The following GGT7 variants were observed in gnomAD, a reference collection of about 807,000 sequenced individuals.
GGT7 encodes gamma-glutamyltransferase 7.
In GGT7, 30 loss-of-function variants were observed where a neutral mutation model predicts 69.2. That is an observed-to-expected ratio of 0.43 (90% CI 0.32 to 0.59). The LOEUF (loss-of-function observed/expected upper bound fraction) is 0.59. Ranked by LOEUF, GGT7 falls within the 20% of genes least tolerant of loss-of-function variation. GGT7 has a pLI of 0.05. For missense variants in GGT7, 733 were observed against 901.1 expected, an observed-to-expected ratio of 0.81 and a Z score of 2.39; for synonymous variants, 388 against 391.8, an observed-to-expected ratio of 0.99 and a Z score of 0.12.
Position 34,845,141 on chromosome 20 carries a change from A to ACCACCACCACCACCACCACCACCACCC in GGT7, c.*186_*187insGGGTGGTGGTGGTGGTGGTGGTGGTGG, listed in dbSNP as rs2079280822. ...CACCACCACCACCACCACCACCACC[A>ACCACCACCACCACCACCACCACCACCC]CCACCACCACCACAGGCCTCCTGAT... On this transcript the variant is annotated 3_prime_UTR_variant, in exon 15 of 15. Coordinates refer to ENST00000336431, the MANE Select transcript of GGT7 (RefSeq NM_178026.3). 1 of 313,802 alleles carries ACCACCACCACCACCACCACCACCACCC rather than the reference A, an allele frequency of 3.2e-6. No individual in the cohort carries two copies. The allele number at this position is 313,802 out of a possible 1,614,324, so 19.4% of individuals were successfully genotyped here.
At position 34,863,572 on chromosome 20, in the gene GGT7, G is replaced by T; in HGVS notation, c.170-24C>A. 1.3e-6 allele frequency: 2 copies of T among 1,501,992 alleles called. No homozygotes were observed. Among genetic ancestry groups the T allele is most frequent in the South Asian group, 2.4e-5 (2 of 82,990 alleles). The allele number at this position is 1,501,992 out of a possible 1,614,324, so 93.0% of individuals were successfully genotyped here. On this transcript the variant is annotated intron_variant, in intron 1 of 14. Coordinates refer to ENST00000336431, the MANE Select transcript of GGT7 (RefSeq NM_178026.3). The surrounding 1 kb of genome is among the most constrained non-coding windows in gnomAD (Gnocchi z 4.4). ...GTCTGCGGGCAGGCAGCCGGGGTCG[G>T]TCTGGGCATCTCCTATCTGGCCCTG... is the stretch of plus-strand genomic sequence containing the variant.
At position 34,845,123 on chromosome 20, in the gene GGT7, A is replaced by ACCACCACCC; in HGVS notation, c.*204_*205insGGGTGGTGG. The ACCACCACCC allele has an allele frequency of 2.6e-6, 1 of 389,054 alleles. No individual in the cohort carries two copies. Among genetic ancestry groups the ACCACCACCC allele is most frequent in the South Asian group, 2.3e-5 (1 of 42,590 alleles). 24.1% of individuals were successfully genotyped at this position (389,054 alleles called of 1,614,324 possible). On this transcript the variant is annotated 3_prime_UTR_variant, in exon 15 of 15. Coordinates refer to ENST00000336431, the MANE Select transcript of GGT7 (RefSeq NM_178026.3). ...GTAGATGCTGACACTCACCACCACC[A>ACCACCACCC]CCACCACCACCACCACCACCACCAC...
intron 1 of GGT7, among the ~76,000 whole-genome samples, chr20:34,869,178 A>AT (rs57637615): frequency 6.6e-6 from 1 of 151,232 alleles, no homozygotes; most frequent in African/African-American, 2.4e-5. Flanking sequence ...ATATATATAT[A>AT]AAATTTTGAA....
chr20:34,866,559 T>A (rs569714195), intron 1 of GGT7, among the ~76,000 whole-genome samples: 2 of 142,040 alleles, frequency 1.4e-5, no homozygotes, highest in East Asian at 4.2e-4. Flanking sequence ...TTTTTTTTTT[T>A]ATCATGAACA....
intron 13 of GGT7, 143 bp downstream of exon 13, chr20:34,851,088 C>T (rs1386787441): frequency 1.3e-5 from 13 of 994,878 alleles, no homozygotes; most frequent in Non-Finnish European, 2.0e-5. Flanking sequence ...CCACATTGCC[C>T]AGGATGCGCC....
At chr20:34,861,409 C>G in intron 4 of GGT7, 36 bp downstream of exon 4, 1 of 1,023,626 alleles carries the variant, frequency 9.8e-7, no homozygotes, top group Non-Finnish European at 1.5e-6. Flanking sequence ...TGAAGAGAGA[C>G]TCCCCTGAAC....
At chr20:34,852,337 C>T (rs1291685543) in intron 11 of GGT7, 52 bp downstream of exon 11, 1 of 1,612,186 alleles carries the variant, frequency 6.2e-7, no homozygotes, top group Admixed American at 1.7e-5. Flanking sequence ...CCCCCACCCC[C>T]TCTTGGTTCA....
Position 34,863,387 on chromosome 20 carries a change from C to G in GGT7, c.331G>C (p.Val111Leu). The change falls in exon 2 of 15, where the codon GTC becomes CTC. Residue 111 changes from valine to leucine, a missense_variant. Physicochemically the swap from Val to Leu is conservative, Grantham distance 32. Transcript: ENST00000336431. This position sits in a 1 kb window ranked among gnomAD's most constrained non-coding sequence, Gnocchi z 4.4. The part of the protein sequence containing the change: ...SCRQDGLTVI[V>L]TACLTFATGV... ...GTAGCGAAGGTGAGACAGGCCGTGA[C>G]GATGACCGTGAGCCCATCCTGGCGG... 2 of 1,614,020 alleles carry G rather than the reference C, an allele frequency of 1.2e-6. No homozygotes were observed. The highest frequency in any genetic ancestry group is 1.7e-6 in the Non-Finnish European group (2 of 1,180,024).
intron 14 of GGT7, among the ~76,000 whole-genome samples, chr20:34,849,630 C>A (rs1237426776): frequency 6.6e-6 from 1 of 152,154 alleles, no homozygotes; most frequent in Non-Finnish European, 1.5e-5. Context: ...AATGCAGAAT[C>A]CCCAGCACCT....
chr20:34,859,689 C>T (rs749979033), intron 6 of GGT7, 50 bp from the exon 7 acceptor site: 12 of 1,426,486 alleles, frequency 8.4e-6, no homozygotes, highest in African/African-American at 2.8e-5. Flanking sequence ...AGGACTGGAC[C>T]GGATGAGACG....
intron 1 of GGT7, among the ~76,000 whole-genome samples, chr20:34,865,987 CTA>C (rs911374019): frequency 1.2e-4 from 18 of 152,284 alleles, no homozygotes; most frequent in African/African-American, 4.3e-4. Context: ...CTTTAAAAGT[CTA>C]TGTGATAATA....
rs770296764 is a variant in GGT7 at position 34,845,299 on chromosome 20, G to A, written c.*29C>T. On this transcript the variant is annotated 3_prime_UTR_variant, in exon 15 of 15. Transcript: ENST00000336431. ...GACTCTGGGAACATGCAAAGTGGGG[G>A]AGCAGAGACCCCGCCCCACCCCGCT... The A allele has an allele frequency of 3.1e-6, 5 of 1,591,694 alleles. No individual in the cohort carries two copies. Among genetic ancestry groups the A allele is most frequent in the South Asian group, 2.3e-5 (2 of 88,836 alleles).
intron 7 of GGT7, 115 bp from the exon 8 acceptor site, chr20:34,857,008 A>G: frequency 1.4e-6 from 1 of 725,350 alleles, no homozygotes. Context: ...TGCCTTCTGC[A>G]ACCCCCATCG....
chr20:34,849,352 G>A (rs563990382), intron 14 of GGT7, among the ~76,000 whole-genome samples: 15 of 150,956 alleles, frequency 9.9e-5, no homozygotes, highest in South Asian at 2.1e-4. Context: ...TTATAGAGAC[G>A]GGGGGGTGGA....
chr20:34,854,775 A>G lies in GGT7; in HGVS notation c.1230+21T>C, dbSNP rs1207847093. The G allele has an allele frequency of 2.5e-6, 4 of 1,613,936 alleles. No individual in the cohort carries two copies. The Admixed American group carries it at 6.7e-5, about 27-fold the overall frequency. On this transcript the variant is annotated intron_variant, in intron 9 of 14. Transcript: ENST00000336431. The stretch of plus-strand genomic sequence containing the variant: ...TCCTAATATCCTTAAATCCAGGGAA[A>G]GGCAGACGGGTCAGCCTTACCTCTG...
Position 34,857,025 on chromosome 20 carries a change from T to C in GGT7, c.1015-132A>G, listed in dbSNP as rs565835757. On this transcript the variant is annotated intron_variant, in intron 7 of 14. Coordinates refer to ENST00000336431, the MANE Select transcript of GGT7 (RefSeq NM_178026.3). ...CCTTCTGCAACCCCCATCGTGGCCT[T>C]TAGAGACCCCATTATCCCTAGACAC... 9.0e-5 allele frequency: 62 copies of C among 686,412 alleles called. No homozygotes were observed. In the East Asian group the frequency reaches 1.6e-3, roughly 18 times the overall value. The allele number at this position is 686,412 out of a possible 1,614,324, so 42.5% of individuals were successfully genotyped here. A position where few individuals can be genotyped will look rare whatever the true frequency, so the allele number is the denominator to read the frequency against.
At chr20:34,850,634 C>T in intron 13 of GGT7, 1 of 348,694 alleles carries the variant, frequency 2.9e-6, no homozygotes, top group Non-Finnish European at 5.7e-6. Context: ...TAAATGTTAG[C>T]TATTGTTATT....
intron 10 of GGT7, among the ~76,000 whole-genome samples, chr20:34,853,133 C>T (rs1437401561): frequency 2.0e-5 from 3 of 151,874 alleles, no homozygotes; most frequent in Admixed American, 6.6e-5. Context: ...TTAGTAGAGA[C>T]GGGGTTTCAC....
At chr20:34,856,949 G>T in intron 7 of GGT7, 56 bp from the exon 8 acceptor site, 1 of 1,081,082 alleles carries the variant, frequency 9.2e-7, no homozygotes, top group Non-Finnish European at 1.4e-6. Flanking sequence ...GGTGGTTTTG[G>T]CCTATAACAC....
Sources: gnomAD v4.1 joint callset for allele counts (sites outside exome capture counted in the v4.1 genomes callset) on GRCh38, gnomAD v4.1.1 for gene constraint, Gnocchi (gnomAD v3.1) non-coding constraint, MANE v1.5 for transcripts, NCBI Gene and HGNC (gene_info 2026-07-23, HGNC 2026-07-21) for gene names.